SOX5: variants seen among roughly 807,000 people sequenced by gnomAD.
SOX5 encodes transcription factor SOX-5.
SOX5 carries 9 observed loss-of-function variants against 92.0 expected under a neutral mutation model. The ratio of observed to expected loss-of-function variants is 0.10; its 90% CI spans 0.06 to 0.17. The LOEUF (loss-of-function observed/expected upper bound fraction) is 0.17, where lower values mean the gene tolerates loss of function less well. SOX5 is among the 10% of genes least tolerant of loss of function. The pLI, the probability that SOX5 is intolerant of heterozygous loss-of-function variation, is 1.00. For synonymous variants in SOX5, 344 were observed against 336.3 expected (o/e 1.02, Z -0.25); for missense variants, 642 against 944.5 (o/e 0.68, Z 4.20).
At chr12:23,536,212 C>T (rs1940405485) in intron 14 of SOX5, among the ~76,000 whole-genome samples, 1 of 152,114 alleles carries the variant, frequency 6.6e-6, no homozygotes, top group Non-Finnish European at 1.5e-5. Context: ...AAATCATTTG[C>T]TTGTAGATAT....
intron 11 of SOX5, among the ~76,000 whole-genome samples, chr12:23,546,965 G>T (rs1284607609): frequency 6.6e-6 from 1 of 152,004 alleles, no homozygotes. Context: ...TCAAGTCTCT[G>T]TACATCCAAT....
At chr12:24,316,381 C>A (rs934915321) in intron 2 of SOX5, among the ~76,000 whole-genome samples, 2 of 152,164 alleles carry the variant, frequency 1.3e-5, no homozygotes, top group Non-Finnish European at 2.9e-5. Flanking sequence ...TCATTTGCCT[C>A]TTTCTGACAT....
chr12:23,716,263 G>C (rs2092486786), intron 6 of SOX5, among the ~76,000 whole-genome samples: 1 of 152,140 alleles, frequency 6.6e-6, no homozygotes, highest in Non-Finnish European at 1.5e-5. Context: ...GATACTGAAA[G>C]CTAGCATTCA....
chr12:23,857,256 A>G (rs1422465656), intron 2 of SOX5, among the ~76,000 whole-genome samples: 1 of 152,154 alleles, frequency 6.6e-6, no homozygotes, highest in Admixed American at 6.5e-5. Context: ...GGCAATGGAG[A>G]ACTATTGTTG....
At chr12:23,665,592 GAGA>G (rs778172555) in intron 6 of SOX5, 28 bp from the exon 7 acceptor site, 54 of 1,582,088 alleles carry the variant, frequency 3.4e-5, no homozygotes, top group Admixed American at 1.7e-4. Context: ...GCGAATCAAA[GAGA>G]AGAAGTTTCG....
At chr12:24,198,109 C>T (rs1745154335) in intron 4 of SOX5, among the ~76,000 whole-genome samples, 1 of 152,154 alleles carries the variant, frequency 6.6e-6, no homozygotes, top group South Asian at 2.1e-4. Flanking sequence ...TATTGTGCTA[C>T]TCACACTATA....
At chr12:24,283,681 A>G (rs1191749610) in intron 2 of SOX5, among the ~76,000 whole-genome samples, 3 of 152,204 alleles carry the variant, frequency 2.0e-5, no homozygotes, top group Non-Finnish European at 4.4e-5. Flanking sequence ...TAATTCAAAT[A>G]ACTACGTAGC....
chr12:24,222,773 G>A (rs930108428), intron 3 of SOX5, among the ~76,000 whole-genome samples: 1 of 152,162 alleles, frequency 6.6e-6, no homozygotes, highest in Non-Finnish European at 1.5e-5. Flanking sequence ...ATTAGATTAT[G>A]CTAAGAAACA....
intron 3 of SOX5, among the ~76,000 whole-genome samples, chr12:24,239,019 A>G (rs11047324): frequency 0.019 from 2,907 of 152,326 alleles, 37 homozygotes; most frequent in Middle Eastern, 0.044. Flanking sequence ...ATTTATAAGC[A>G]TCTGTTGATA....
At chr12:24,049,675 A>C (rs1472102010) in intron 4 of SOX5, among the ~76,000 whole-genome samples, 1 of 61,142 alleles carries the variant, frequency 1.6e-5, no homozygotes, top group African/African-American at 7.5e-5. Flanking sequence ...TTTTTTTTGG[A>C]GGTAGGGGGA....
At chr12:23,999,255 A>T (rs1050161350) in intron 4 of SOX5, among the ~76,000 whole-genome samples, 1 of 152,018 alleles carries the variant, frequency 6.6e-6, no homozygotes, top group Non-Finnish European at 1.5e-5. Context: ...CTTTAAAAAA[A>T]TGAATGCTTA....
At chr12:24,213,419 T>TAAAAAAAAAAAAAA (rs67296842) in intron 3 of SOX5, 28 of 96,822 alleles carry the variant, frequency 2.9e-4, no homozygotes, top group East Asian at 5.8e-4. Context: ...CTTGAAATGC[T>TAAAAAAAAAAAAAA]AAAAAAAAAA....
At chr12:24,495,578 G>C (rs1051330583) in intron 1 of SOX5, among the ~76,000 whole-genome samples, 1 of 152,100 alleles carries the variant, frequency 6.6e-6, no homozygotes, top group Non-Finnish European at 1.5e-5. Flanking sequence ...GAACACTTGA[G>C]AACAATGGTT....
rs575863092 is a variant in SOX5, at chr12:24,376,146, A to C, written c.-250-7507T>G. ...AAAACTGTCATAAATCTGAGATACT[A>C]TGGCAACTTGCCTAATTTAAACTTT... On this transcript the variant is annotated intron_variant, in intron 1 of 4. Transcript: ENST00000446891. Among the ~76,000 whole-genome samples the C allele has an allele frequency of 4.5e-3, 689 of 152,368 alleles. 5 individuals are homozygous for C. The highest frequency in any genetic ancestry group is 8.0e-3 in the Non-Finnish European group (546 of 68,038).
chr12:23,951,120 A>C, upstream of SOX5: 1 of 483,666 alleles, frequency 2.1e-6, no homozygotes, highest in Middle Eastern at 5.6e-4. Flanking sequence ...CATTGTTGAG[A>C]GGGCAGGTCA....
intron 4 of SOX5, among the ~76,000 whole-genome samples, chr12:24,115,964 T>A (rs1160803991): frequency 6.6e-6 from 1 of 152,146 alleles, no homozygotes; most frequent in African/African-American, 2.4e-5. Context: ...AATATCTTCC[T>A]GTAGGAGAAT....
rs561578905 is a variant in SOX5, at chr12:24,053,184, C to T, written c.-1-157160G>A. Among the ~76,000 whole-genome samples the T allele has an allele frequency of 2.8e-5, 4 of 145,430 alleles. No individual in the cohort carries two copies. In the East Asian group the frequency reaches 5.9e-4, roughly 21 times the overall value. On this transcript the variant is annotated intron_variant, in intron 4 of 4. Coordinates refer to the SOX5 transcript ENST00000446891. ...GAAGCCAATGCTACTGCACGCCCCC[C>T]CCCTTTTTTTTTTTTGAGATGGAGT...
chr12:23,705,913 T>A (rs985774732), intron 6 of SOX5, among the ~76,000 whole-genome samples: 1 of 152,122 alleles, frequency 6.6e-6, no homozygotes, highest in Non-Finnish European at 1.5e-5. Context: ...TCTTGCTCAG[T>A]TGCACACAAA....
chr12:24,532,329 T>C (rs1332823213), intron 1 of SOX5, among the ~76,000 whole-genome samples: 1 of 152,210 alleles, frequency 6.6e-6, no homozygotes, highest in South Asian at 2.1e-4. Flanking sequence ...CCAACTGATT[T>C]GAAGCTATTG....
Sources: allele counts gnomAD v4.1 joint callset (sites outside exome capture counted in the v4.1 genomes callset), GRCh38; gene constraint gnomAD v4.1.1; transcripts MANE v1.5; gene names NCBI Gene and HGNC (gene_info 2026-07-23, HGNC 2026-07-21).